The following CREBRF variants were observed in gnomAD, a reference collection of about 807,000 sequenced individuals.
The protein encoded by CREBRF is CREB3 regulatory factor.
A neutral mutation model predicts 66.1 loss-of-function variants in CREBRF; 5 were observed. That is an observed-to-expected ratio of 0.08 (90% CI 0.04 to 0.16). The LOEUF is 0.16. Among genes scored for constraint, CREBRF ranks in the 10% least tolerant of loss-of-function variants. CREBRF has a pLI of 1.00. For synonymous variants in CREBRF, 229 were observed against 264.4 expected (o/e 0.87, Z 1.30); for missense variants, 531 against 744.9 (o/e 0.71, Z 3.34).
intron 4 of CREBRF, among the ~76,000 whole-genome samples, chr5:173,096,422 C>T (rs1561806865): frequency 1.7e-5 from 2 of 115,476 alleles, no homozygotes; most frequent in Non-Finnish European, 3.9e-5. Flanking sequence ...TTTCCCTTCC[C>T]TTCCCTTCCC....
chr5:173,131,977 A>T (rs190305499), intron 8 of CREBRF, among the ~76,000 whole-genome samples: 2 of 150,142 alleles, frequency 1.3e-5, no homozygotes. Context: ...TGCTCTGCCC[A>T]CTTCGGCCTC....
intron 7 of CREBRF, 70 bp downstream of exon 7, chr5:173,112,449 T>C (rs1758893785): frequency 1.8e-6 from 2 of 1,132,280 alleles, no homozygotes; most frequent in African/African-American, 3.2e-5. Flanking sequence ...TTTTCTTTGG[T>C]TTGTGATTTG....
intron 8 of CREBRF, among the ~76,000 whole-genome samples, chr5:173,129,739 TACAC>T (rs1205429793): frequency 3.6e-5 from 5 of 140,814 alleles, no homozygotes; most frequent in East Asian, 2.1e-4. Context: ...AAAAAAAAAA[TACAC>T]ACACACAAAA....
chr5:173,084,839 G>T (rs1423141728), intron 2 of CREBRF, among the ~76,000 whole-genome samples: 1 of 152,168 alleles, frequency 6.6e-6, no homozygotes, highest in African/African-American at 2.4e-5. Flanking sequence ...TAGAGACGGG[G>T]TTTCACTGTG....
At chr5:173,130,983 G>A (rs1054544881) in intron 8 of CREBRF, among the ~76,000 whole-genome samples, 15 of 152,234 alleles carry the variant, frequency 9.9e-5, no homozygotes, top group African/African-American at 3.6e-4. Flanking sequence ...CTGGGATTAC[G>A]GGCATGAGCC....
In CREBRF at chr5:173,138,708, T is replaced by C. The variant is rs1759643667; in HGVS notation, c.*4963T>C. 1 of 152,248 alleles carries C rather than the reference T, an allele frequency of 6.6e-6. No homozygotes were observed. The highest frequency in any genetic ancestry group is 2.1e-4 in the South Asian group (1 of 4,826). 9.4% of individuals were successfully genotyped at this position (152,248 alleles called of 1,614,324 possible). ...TTACTATGTCTTGCCCTTCGCCCTTTGTTTTTTTCAGAACCAAATAACAGA... is the reference window on the plus strand; with the variant it reads ...TTACTATGTCTTGCCCTTCGCCCTTCGTTTTTTTCAGAACCAAATAACAGA... On this transcript the variant is annotated 3_prime_UTR_variant, in exon 9 of 9. Transcript: ENST00000296953.
intron 4 of CREBRF, among the ~76,000 whole-genome samples, chr5:173,104,814 CAAAG>C (rs1304387660): frequency 4.0e-5 from 6 of 151,618 alleles, no homozygotes; most frequent in Non-Finnish European, 7.4e-5. Context: ...TGTATTAAGT[CAAAG>C]AAAACTGATG....
At position 173,134,492 on chromosome 5, in the gene CREBRF, AG is replaced by A; in HGVS notation, c.*749del. On this transcript the variant is annotated 3_prime_UTR_variant, in exon 9 of 9. Coordinates refer to ENST00000296953, the MANE Select transcript of CREBRF (RefSeq NM_153607.3). ...TTTTTCAGATTTTTTGAATGTATAT[AG>A]GACTATGTTGAAATGTAGATATATG... is the stretch of plus-strand genomic sequence containing the variant. 2.2e-5 allele frequency: 4 copies of A among 179,656 alleles called. No homozygotes were observed. 11.1% of individuals were successfully genotyped at this position (179,656 alleles called of 1,614,324 possible).
intron 8 of CREBRF, among the ~76,000 whole-genome samples, chr5:173,129,034 C>T (rs1759341606): frequency 1.3e-5 from 2 of 150,552 alleles, no homozygotes; most frequent in Non-Finnish European, 1.5e-5. Flanking sequence ...CCCGCCTCGG[C>T]CTCCCATAGT....
intron 4 of CREBRF, among the ~76,000 whole-genome samples, chr5:173,096,078 C>T (rs1262819337): frequency 6.6e-6 from 1 of 152,126 alleles, no homozygotes; most frequent in Non-Finnish European, 1.5e-5. Context: ...ATGCCATTCT[C>T]CTGCCTCAGC....
At chr5:173,127,821 G>C (rs1337602638) in intron 8 of CREBRF, among the ~76,000 whole-genome samples, 1 of 152,064 alleles carries the variant, frequency 6.6e-6, no homozygotes, top group East Asian at 1.9e-4. Context: ...AGTCATTTTT[G>C]ATAATTTACG....
At chr5:173,126,149 G>A (rs1359201352) in intron 8 of CREBRF, among the ~76,000 whole-genome samples, 3 of 151,794 alleles carry the variant, frequency 2.0e-5, no homozygotes, top group African/African-American at 7.3e-5. Context: ...AGGGTTTTTT[G>A]TTTTGTTTTG....
intron 1 of CREBRF, among the ~76,000 whole-genome samples, chr5:173,070,825 T>C (rs1374932549): frequency 1.3e-5 from 2 of 152,168 alleles, no homozygotes; most frequent in Non-Finnish European, 1.5e-5. Context: ...TTTTGTAATG[T>C]CCTCATTGTG....
intron 1 of CREBRF, among the ~76,000 whole-genome samples, chr5:173,057,945 A>G (rs980773748): frequency 5.3e-5 from 8 of 151,866 alleles, no homozygotes; most frequent in Non-Finnish European, 1.2e-4. Context: ...GAGAAAACTG[A>G]GCCCACAGGA....
chr5:173,113,243 C>G (rs1758908384), intron 7 of CREBRF, among the ~76,000 whole-genome samples: 1 of 152,076 alleles, frequency 6.6e-6, no homozygotes, highest in Non-Finnish European at 1.5e-5. Context: ...AATCTGCCCA[C>G]CTCAACCTCC....
intron 2 of CREBRF, 92 bp from the exon 3 acceptor site, chr5:173,086,409 T>C: frequency 8.9e-7 from 1 of 1,119,324 alleles, no homozygotes; most frequent in South Asian, 1.4e-5. Flanking sequence ...AAAGAATAAG[T>C]TACTTAGTGG....
intron 7 of CREBRF, among the ~76,000 whole-genome samples, chr5:173,115,945 C>T (rs1298010474): frequency 6.6e-6 from 1 of 152,202 alleles, no homozygotes; most frequent in East Asian, 1.9e-4. Context: ...TCTCACTTTC[C>T]TCTTCAACTG....
At chr5:173,085,989 CTGTT>C (rs1292613805) in intron 2 of CREBRF, 6 of 1,510,090 alleles carry the variant, frequency 4.0e-6, no homozygotes, top group African/African-American at 1.4e-5. Flanking sequence ...AGAAATACAT[CTGTT>C]TGTGGATAAC....
Position 173,134,829 on chromosome 5 carries a change from A to G in CREBRF, c.*1084A>G, listed in dbSNP as rs1390414193. 2.0e-5 allele frequency: 3 copies of G among 152,500 alleles called. No homozygotes were observed. Among genetic ancestry groups the G allele is most frequent in the Non-Finnish European group, 4.4e-5 (3 of 67,974 alleles). The allele number at this position is 152,500 out of a possible 1,614,324, so 9.4% of individuals were successfully genotyped here. On this transcript the variant is annotated 3_prime_UTR_variant, in exon 9 of 9. Coordinates refer to ENST00000296953, the MANE Select transcript of CREBRF (RefSeq NM_153607.3). Reference sequence around the variant, plus strand: ...TATTTCTGTTTGGGTCCAATTATCTACAGAAGGAGCATCCATACATACAAA... The same window carrying G: ...TATTTCTGTTTGGGTCCAATTATCTGCAGAAGGAGCATCCATACATACAAA...
Sources: gnomAD v4.1 joint callset for allele counts (sites outside exome capture counted in the v4.1 genomes callset) on GRCh38, gnomAD v4.1.1 for gene constraint, MANE v1.5 for transcripts, NCBI Gene and HGNC (gene_info 2026-07-23, HGNC 2026-07-21) for gene names.